Variants in CDH5 observed in about 807,000 individuals in gnomAD.
CDH5 encodes cadherin-5.
Under a neutral mutation model 62.0 loss-of-function variants are expected in CDH5, and 28 were observed. The ratio of observed to expected loss-of-function variants is 0.45; its 90% CI spans 0.33 to 0.62. The LOEUF is 0.62. Among genes scored for constraint, CDH5 ranks in the 20% least tolerant of loss-of-function variants. The probability of loss-of-function intolerance (pLI) is 0.02; values close to 1 mark genes in which losing one functional copy is unlikely to be tolerated. For missense variants in CDH5, 940 were observed against 1,065.1 expected (o/e 0.88, Z 1.63); for synonymous variants, 464 against 445.8 (o/e 1.04, Z -0.52).
intron 2 of CDH5, among the ~76,000 whole-genome samples, chr16:66,382,019 A>T (rs1960907485): frequency 6.6e-6 from 1 of 152,214 alleles, no homozygotes; most frequent in Admixed American, 6.5e-5. Context: ...CAGGCTGGAG[A>T]GGAACTTTTG....
intron 5 of CDH5, 64 bp downstream of exon 5, chr16:66,389,586 G>A: frequency 7.3e-7 from 1 of 1,364,150 alleles, no homozygotes; most frequent in Admixed American, 2.5e-5. Flanking sequence ...GTGACTTGGG[G>A]CTCTGGGAAA....
rs1961312749 is a variant in CDH5 at position 66,402,810 on chromosome 16, G to A, written c.1996G>A (p.Val666Met). Residue 666 changes from valine (V) to methionine (M), a missense_variant, in exon 12 of 12, where the codon GTG (valine) becomes ATG (methionine). By Grantham distance (21) the Val-to-Met change is conservative. Transcript: ENST00000341529. ...CTACGATGTGTCGGTGCTCAACTCGGTGCGCCGCGGCGGGGCCAAGCCCCC... is the reference window on the plus strand; with the variant it reads ...CTACGATGTGTCGGTGCTCAACTCGATGCGCCGCGGCGGGGCCAAGCCCCC... ...TSYDVSVLNS[V>M]RRGGAKPPRP... The A allele has an allele frequency of 6.3e-7, 1 of 1,599,970 alleles. No homozygotes were observed.
Position 66,389,383 on chromosome 16 carries a change from C to T in CDH5, c.642C>T (p.Ser214=), listed in dbSNP as rs776107689. Reference sequence around the variant, plus strand: ...GACGTATTATCACAATAACGAAAAGCTTGGACCGAGAGAAGCAGGCCAGGT... The same window carrying T: ...GACGTATTATCACAATAACGAAAAGTTTGGACCGAGAGAAGCAGGCCAGGT... ...NSGRIITITK[S]LDREKQARYE... The change falls in exon 5 of 12, where the codon AGC becomes AGT. Residue 214 remains serine, a synonymous_variant. Coordinates refer to ENST00000341529, the MANE Select transcript of CDH5 (RefSeq NM_001795.5). The T allele has an allele frequency of 1.4e-5, 23 of 1,612,872 alleles. No homozygotes were observed. In the South Asian group the frequency reaches 2.4e-4, roughly 17 times the overall value.
chr16:66,401,073 T>G, intron 11 of CDH5, 57 bp downstream of exon 11: 1 of 1,609,758 alleles, frequency 6.2e-7, no homozygotes, highest in South Asian at 1.1e-5. Context: ...ATGGAAGGTG[T>G]TGGGAGGCGG....
chr16:66,368,000 G>A (rs190029984), intron 1 of CDH5, among the ~76,000 whole-genome samples: 7 of 152,332 alleles, frequency 4.6e-5, no homozygotes, highest in Non-Finnish European at 8.8e-5. Flanking sequence ...CCCCATCACG[G>A]AGGGGTCCTC....
chr16:66,390,249 C>T (rs1464707277), intron 5 of CDH5, among the ~76,000 whole-genome samples, 154 bp from the exon 6 acceptor site: 2 of 152,104 alleles, frequency 1.3e-5, no homozygotes, highest in Non-Finnish European at 2.9e-5. Flanking sequence ...TAGGGAAGAC[C>T]CTCTTTACCT....
Position 66,389,419 on chromosome 16 carries a change from G to A in CDH5, c.678G>A (p.Val226=). ...DREKQARYEI[V]VEARDAQGLR... is the part of the protein sequence containing the mutation. ...AGAAGCAGGCCAGGTATGAGATCGTGGTGGAAGCGCGAGATGCCCAGGGCC... is the reference window on the plus strand; with the variant it reads ...AGAAGCAGGCCAGGTATGAGATCGTAGTGGAAGCGCGAGATGCCCAGGGCC... The change falls in exon 5 of 12, where the codon GTG becomes GTA. Residue 226 remains valine, a synonymous_variant. Transcript: ENST00000341529. 6.2e-7 allele frequency: 1 copy of A among 1,613,578 alleles called. No individual in the cohort carries two copies. Among genetic ancestry groups the A allele is most frequent in the Non-Finnish European group, 8.5e-7 (1 of 1,179,684 alleles).
chr16:66,370,407 C>A (rs1685406846), intron 1 of CDH5, among the ~76,000 whole-genome samples: 1 of 152,150 alleles, frequency 6.6e-6, no homozygotes, highest in Non-Finnish European at 1.5e-5. Flanking sequence ...ATCAGAGGAC[C>A]TATTTGGGAA....
chr16:66,392,460 G>C, intron 7 of CDH5, 77 bp downstream of exon 7: 1 of 1,571,576 alleles, frequency 6.4e-7, no homozygotes, highest in Admixed American at 1.7e-5. Flanking sequence ...TCTGAGGCCA[G>C]GACTCAGAGA....
chr16:66,389,880 C>A (rs1374235223), intron 5 of CDH5, among the ~76,000 whole-genome samples: 1 of 152,218 alleles, frequency 6.6e-6, no homozygotes, highest in East Asian at 1.9e-4. Context: ...GCTAGAAATT[C>A]CCACAAGCCA....
chr16:66,378,869 C>G (rs1424677721), intron 1 of CDH5, among the ~76,000 whole-genome samples: 2 of 152,154 alleles, frequency 1.3e-5, no homozygotes, highest in Non-Finnish European at 2.9e-5. Context: ...AAGGAGTGAA[C>G]AGATAAAGGG....
At chr16:66,381,982 T>C (rs1247638501) in intron 2 of CDH5, among the ~76,000 whole-genome samples, 1 of 152,154 alleles carries the variant, frequency 6.6e-6, no homozygotes, top group African/African-American at 2.4e-5. Flanking sequence ...ACAAATGGTG[T>C]GGGGGTGCCC....
chr16:66,395,507 T>C (rs1460111095), intron 7 of CDH5: 2 of 145,824 alleles, frequency 1.4e-5, no homozygotes, highest in African/African-American at 5.0e-5. Context: ...TCTTTTCTTT[T>C]TTTTTTTTTT....
rs138873051 is a variant in CDH5, at chr16:66,400,916, C to A, written c.1737C>A (p.Asn579Lys). 8 of 1,614,192 alleles carry A rather than the reference C, an allele frequency of 5.0e-6. No individual in the cohort carries two copies. The highest frequency in any genetic ancestry group is 5.9e-6 in the Non-Finnish European group (7 of 1,180,042). ...STLTVAVCKC[N>K]EQGEFTFCED... is the part of the protein sequence containing the mutation. ...TGACCGTGGCCGTGTGCAAGTGCAA[C>A]GAGCAGGGCGAGTTCACCTTCTGCG... is the stretch of plus-strand genomic sequence containing the variant. The change falls in exon 11 of 12, where the codon AAC becomes AAA. Residue 579 changes from asparagine to lysine, a missense_variant. By Grantham distance (94) the Asn-to-Lys change is moderately conservative. Transcript: ENST00000341529.
chr16:66,384,920 C>T (rs1195491666), intron 2 of CDH5, among the ~76,000 whole-genome samples: 2 of 152,066 alleles, frequency 1.3e-5, no homozygotes, highest in African/African-American at 2.4e-5. Flanking sequence ...GAGCCAAGAT[C>T]GTGCCACTGC....
intron 1 of CDH5, chr16:66,377,443 T>A (rs2142312827): frequency 6.6e-6 from 1 of 152,380 alleles, no homozygotes; most frequent in South Asian, 2.1e-4. Context: ...GCAGGGGCCG[T>A]CGATACTAAA....
chr16:66,380,385 T>C (rs1016544159), intron 2 of CDH5, among the ~76,000 whole-genome samples: 6 of 147,894 alleles, frequency 4.1e-5, no homozygotes, highest in African/African-American at 1.6e-4. Flanking sequence ...GGCGGTGGTC[T>C]GACGATGGTG....
intron 1 of CDH5, among the ~76,000 whole-genome samples, chr16:66,369,113 C>G (rs529445407): frequency 6.6e-5 from 10 of 152,288 alleles, no homozygotes; most frequent in Admixed American, 2.0e-4. Context: ...TAAACTAATT[C>G]AGGGATTTCC....
intron 3 of CDH5, among the ~76,000 whole-genome samples, chr16:66,387,496 A>G (rs1174742493): frequency 1.3e-5 from 2 of 152,094 alleles, no homozygotes; most frequent in South Asian, 2.1e-4. Flanking sequence ...CCTGATCCTG[A>G]TCATGGACTG....
Sources: allele counts gnomAD v4.1 joint callset (sites outside exome capture counted in the v4.1 genomes callset), GRCh38; gene constraint gnomAD v4.1.1; transcripts MANE v1.5; gene names NCBI Gene and HGNC (gene_info 2026-07-23, HGNC 2026-07-21).